Variants in FBRSL1 observed in about 807,000 individuals in gnomAD.
FBRSL1 encodes the protein fibrosin like 1.
FBRSL1 carries 51 observed loss-of-function variants against 89.6 expected under a neutral mutation model. The ratio of observed to expected loss-of-function variants is 0.57; its 90% CI spans 0.45 to 0.72. The LOEUF is 0.72. Ranked by LOEUF, FBRSL1 falls within the 30% of genes least tolerant of loss-of-function variation. FBRSL1 has a pLI of 0.00. For synonymous variants in FBRSL1, 779 were observed against 681.1 expected, an observed-to-expected ratio of 1.14 and a Z score of -2.24; for missense variants, 1,618 against 1,451.8, an observed-to-expected ratio of 1.11 and a Z score of -1.86.
rs1483478104 is a variant in FBRSL1 at position 132,571,465 on chromosome 12, C to T, written c.1377+234C>T. On this transcript the variant is annotated intron_variant, in intron 9 of 18. Coordinates refer to ENST00000680143, the MANE Select transcript of FBRSL1 (RefSeq NM_001367871.1). ...GCACCAACACACACACCAGCACCAACACACATTCGCCCCCTTCCCCGCAGG... is the reference window on the plus strand; with the variant it reads ...GCACCAACACACACACCAGCACCAATACACATTCGCCCCCTTCCCCGCAGG... 2.5e-5 allele frequency: 39 copies of T among 1,550,288 alleles called. No homozygotes were observed. The highest frequency in any genetic ancestry group is 7.9e-5 in the Admixed American group (4 of 50,946).
Position 132,583,840 on chromosome 12 carries a change from C to T in FBRSL1, c.*62C>T. The T allele has an allele frequency of 9.9e-7, 1 of 1,013,826 alleles. No individual in the cohort carries two copies. The highest frequency in any genetic ancestry group is 4.1e-5 in the East Asian group (1 of 24,498). The allele number at this position is 1,013,826 out of a possible 1,614,324, so 62.8% of individuals were successfully genotyped here. Reference sequence around the variant, plus strand: ...CCGCTGTCCGTCTCTCCATCAGTTCCTAGAACTCAAGCACAGCTCCCGCCG... The same window carrying T: ...CCGCTGTCCGTCTCTCCATCAGTTCTTAGAACTCAAGCACAGCTCCCGCCG... On this transcript the variant is annotated 3_prime_UTR_variant, in exon 19 of 19. Coordinates refer to ENST00000680143, the MANE Select transcript of FBRSL1 (RefSeq NM_001367871.1).
chr12:132,496,654 G>A lies in FBRSL1; in HGVS notation c.291+5793G>A, dbSNP rs1031836700. Among the ~76,000 whole-genome samples, 74 of 152,352 alleles carry A rather than the reference G, an allele frequency of 4.9e-4. 1 individual carries two copies. Among genetic ancestry groups the A allele is most frequent in the African/African-American group, 1.6e-3 (67 of 41,580 alleles). On this transcript the variant is annotated intron_variant, in intron 1 of 18. Transcript: ENST00000680143. ...CCCTGCGGCTGCGCTGGATTTGTGA[G>A]TGTGTCCAGAGCGTGAGGATTGGTG...
At chr12:132,543,699 C>T (rs901861189) in intron 4 of FBRSL1, among the ~76,000 whole-genome samples, 6 of 152,338 alleles carry the variant, frequency 3.9e-5, no homozygotes, top group South Asian at 2.1e-4. Flanking sequence ...CTGGGAAGGC[C>T]GCTAATGGAG....
intron 2 of FBRSL1, among the ~76,000 whole-genome samples, chr12:132,520,882 C>T (rs540982953): frequency 1.3e-5 from 2 of 152,300 alleles, no homozygotes; most frequent in Admixed American, 6.5e-5. Context: ...TCTCAGGATT[C>T]GGGGACGGCT....
chr12:132,551,453 G>A (rs1003261402), intron 5 of FBRSL1: 6 of 456,204 alleles, frequency 1.3e-5, no homozygotes, highest in African/African-American at 4.0e-5. Context: ...CGGGGCAGGT[G>A]GCAGTGCACC....
chr12:132,542,583 C>T (rs1363720274), intron 4 of FBRSL1, among the ~76,000 whole-genome samples: 2 of 152,242 alleles, frequency 1.3e-5, no homozygotes, highest in Non-Finnish European at 2.9e-5. Flanking sequence ...CCCACTGGGC[C>T]CAGACAGCTC....
Position 132,581,532 on chromosome 12 carries a change from T to C in FBRSL1, c.1912+16T>C, listed in dbSNP as rs1354323000. On this transcript the variant is annotated intron_variant, in intron 16 of 18. Coordinates refer to ENST00000680143, the MANE Select transcript of FBRSL1 (RefSeq NM_001367871.1). ...CCCCTGACAGGTGGGTGTCTCTGAATTCAGCCCACGCAGCCTGGCTGGTTC... is the reference window on the plus strand; with the variant it reads ...CCCCTGACAGGTGGGTGTCTCTGAACTCAGCCCACGCAGCCTGGCTGGTTC... 1 of 1,550,518 alleles carries C rather than the reference T, an allele frequency of 6.4e-7. No individual in the cohort carries two copies. The highest frequency in any genetic ancestry group is 8.7e-7 in the Non-Finnish European group (1 of 1,146,570).
At chr12:132,501,437 T>C (rs1003016699) in intron 1 of FBRSL1, among the ~76,000 whole-genome samples, 2 of 152,130 alleles carry the variant, frequency 1.3e-5, no homozygotes, top group African/African-American at 2.4e-5. Context: ...CAGTGGCAGC[T>C]GTCAGCAGGG....
intron 1 of FBRSL1, among the ~76,000 whole-genome samples, chr12:132,507,798 A>G (rs772353866): frequency 1.3e-5 from 2 of 151,964 alleles, no homozygotes; most frequent in Non-Finnish European, 2.9e-5. Flanking sequence ...ACTGCAGGGC[A>G]CTCGCTCTTG....
rs974883089 is a variant in FBRSL1 at position 132,583,022 on chromosome 12, C to T, written c.2253C>T (p.Pro751=). 2.8e-4 allele frequency: 415 copies of T among 1,457,494 alleles called. No individual in the cohort carries two copies. The highest frequency in any genetic ancestry group is 3.5e-4 in the Non-Finnish European group (389 of 1,112,604). The allele number at this position is 1,457,494 out of a possible 1,614,324, so 90.3% of individuals were successfully genotyped here. A position where few individuals can be genotyped will look rare whatever the true frequency, so the allele number is the denominator to read the frequency against. Reference sequence around the variant, plus strand: ...TGAGCCGGGCCTCGCCCGCCACCCCCGCTGGCCACCCCGTCAGCGGCCTCC... The same window carrying T: ...TGAGCCGGGCCTCGCCCGCCACCCCTGCTGGCCACCCCGTCAGCGGCCTCC... ...RLLSRASPAT[P]AGHPVSGLLL... Residue 751 remains proline (P), a synonymous_variant, in exon 19 of 19, where the codon CCC becomes CCT. Coordinates refer to ENST00000680143, the MANE Select transcript of FBRSL1 (RefSeq NM_001367871.1).
chr12:132,502,316 C>A (rs992831913), intron 1 of FBRSL1, among the ~76,000 whole-genome samples: 1 of 152,212 alleles, frequency 6.6e-6, no homozygotes, highest in Non-Finnish European at 1.5e-5. Context: ...GGCAAACTGC[C>A]GCCCTGGGCC....
At chr12:132,574,002 A>C in intron 11 of FBRSL1, 88 bp from the exon 12 acceptor site, 1 of 919,822 alleles carries the variant, frequency 1.1e-6, no homozygotes, top group East Asian at 6.3e-5. Flanking sequence ...AAAGCAGGGC[A>C]CAGGCCCACG....
intron 2 of FBRSL1, chr12:132,510,913 C>T (rs1024388614): frequency 1.0e-6 from 1 of 1,001,210 alleles, no homozygotes; most frequent in Non-Finnish European, 1.2e-6. Flanking sequence ...TGGCGTGCCA[C>T]CTGTGCGGAG....
chr12:132,578,349 A>ACAC (rs1008166134), intron 15 of FBRSL1, among the ~76,000 whole-genome samples: 1 of 151,612 alleles, frequency 6.6e-6, no homozygotes, highest in Non-Finnish European at 1.5e-5. Flanking sequence ...TGTCTCACAC[A>ACAC]CACACACACA....
chr12:132,576,232 ACCCAG>A (rs1302522095), intron 14 of FBRSL1, among the ~76,000 whole-genome samples: 3 of 131,704 alleles, frequency 2.3e-5, no homozygotes, highest in African/African-American at 9.0e-5. Flanking sequence ...TCGCTCTGTC[ACCCAG>A]GCTAGAGTGC....
In FBRSL1 at chr12:132,581,837, G is replaced by A. The variant is rs1466466474; in HGVS notation, c.1996+13G>A. 1.6e-5 allele frequency: 24 copies of A among 1,532,206 alleles called. No individual in the cohort carries two copies. Among genetic ancestry groups the A allele is most frequent in the Admixed American group, 2.0e-5 (1 of 48,958 alleles). 94.9% of individuals were successfully genotyped at this position (1,532,206 alleles called of 1,614,324 possible). On this transcript the variant is annotated intron_variant, in intron 17 of 18. Transcript: ENST00000680143. ...AGCCATGCACTGGGTGAGTGACCCA[G>A]CCTGTGCCCCCCTCCCCCGATGCCC...
chr12:132,508,235 G>GC lies in FBRSL1; in HGVS notation c.380dup (p.Ala128CysfsTer5). 1 of 1,550,978 alleles carries GC rather than the reference G, an allele frequency of 6.4e-7. No individual in the cohort carries two copies. ...AAGAAGCCCCGGGAGTCGGAAACCTGCCCCCCTGCGGAGCCCAGTGAGAAC... is the reference window on the plus strand; with the variant it reads ...AAGAAGCCCCGGGAGTCGGAAACCTGCCCCCCCTGCGGAGCCCAGTGAGAAC... On this transcript the variant is annotated frameshift_variant, in exon 2 of 19. Coordinates refer to ENST00000680143, the MANE Select transcript of FBRSL1 (RefSeq NM_001367871.1). LOFTEE classifies it high-confidence loss of function.
In FBRSL1 at chr12:132,541,958, T is replaced by C. The variant is rs143593717; in HGVS notation, c.616-6045T>C. ...TTCTGGGCTGCAGGTTCAGACAGAATAGGTGAAGCAGCCAAGCTGCCGTCT... is the reference window on the plus strand; with the variant it reads ...TTCTGGGCTGCAGGTTCAGACAGAACAGGTGAAGCAGCCAAGCTGCCGTCT... On this transcript the variant is annotated intron_variant, in intron 4 of 18. Transcript: ENST00000680143. Among the ~76,000 whole-genome samples, 115 of 152,226 alleles carry C rather than the reference T, an allele frequency of 7.6e-4. 1 individual carries two copies. The highest frequency in any genetic ancestry group is 2.7e-3 in the African/African-American group (112 of 41,556).
At chr12:132,582,836 G>C in intron 18 of FBRSL1, 135 bp from the exon 19 acceptor site, 1 of 636,248 alleles carries the variant, frequency 1.6e-6, no homozygotes, top group Non-Finnish European at 2.3e-6. Flanking sequence ...GTGGGGGTGC[G>C]GGAGCTGTGG....
Sources: allele counts gnomAD v4.1 joint callset (sites outside exome capture counted in the v4.1 genomes callset), GRCh38; gene constraint gnomAD v4.1.1; transcripts MANE v1.5; gene names NCBI Gene and HGNC (gene_info 2026-07-23, HGNC 2026-07-21).